Variants in WIPF1 observed in about 807,000 individuals in gnomAD.
The protein encoded by WIPF1 is WAS/WASL interacting protein family member 1.
WIPF1 carries 13 observed loss-of-function variants against 35.4 expected under a neutral mutation model. That is an observed-to-expected ratio of 0.37 (90% CI 0.24 to 0.58). WIPF1 has a LOEUF of 0.58. Ranked by LOEUF, WIPF1 falls within the 20% of genes least tolerant of loss-of-function variation. WIPF1 has a pLI of 0.74. For synonymous variants in WIPF1, 267 were observed against 266.3 expected (o/e 1.00, Z -0.02); for missense variants, 591 against 667.0 (o/e 0.89, Z 1.25).
At chr2:174,650,289 C>T (rs960066415) in intron 1 of WIPF1, among the ~76,000 whole-genome samples, 8 of 152,290 alleles carry the variant, frequency 5.3e-5, no homozygotes, top group Admixed American at 1.3e-4. Context: ...CCTGAATGAA[C>T]GAAAGATGAC....
intron 1 of WIPF1, among the ~76,000 whole-genome samples, chr2:174,657,910 CA>C (rs56717056): frequency 0.031 from 3,000 of 95,794 alleles, 44 homozygotes; most frequent in African/African-American, 0.11. Flanking sequence ...AACTCTGTCT[CA>C]AAAAAAAAAA....
Position 174,561,672 on chromosome 2 carries a change from A to G in WIPF1, c.*875T>C, listed in dbSNP as rs750386195. On this transcript the variant is annotated 3_prime_UTR_variant, in exon 8 of 8. Transcript: ENST00000679041. ...AAACAAGGTGCTGGGTCCTAATTTT[A>G]TTTTTAGTTGCCTCTTGAATCGCTC... is the stretch of plus-strand genomic sequence containing the variant. 21 of 164,620 alleles carry G rather than the reference A, an allele frequency of 1.3e-4. No homozygotes were observed. The highest frequency in any genetic ancestry group is 2.3e-4 in the Non-Finnish European group (17 of 74,758). 10.2% of individuals were successfully genotyped at this position (164,620 alleles called of 1,614,324 possible).
At chr2:174,660,102 G>C (rs1172047883) in intron 1 of WIPF1, among the ~76,000 whole-genome samples, 1 of 152,228 alleles carries the variant, frequency 6.6e-6, no homozygotes, top group Admixed American at 6.5e-5. Context: ...AACCAGGAGA[G>C]ATGTGATAAC....
chr2:174,602,777 G>A (rs773493846), upstream of WIPF1, among the ~76,000 whole-genome samples: 1 of 152,172 alleles, frequency 6.6e-6, no homozygotes, highest in Non-Finnish European at 1.5e-5. Context: ...ATAAATTGAT[G>A]TAATCTTACT....
upstream of WIPF1, among the ~76,000 whole-genome samples, chr2:174,601,263 CT>C (rs1686000575): frequency 6.6e-6 from 1 of 152,142 alleles, no homozygotes; most frequent in South Asian, 2.1e-4. Flanking sequence ...ACTGTTCCCC[CT>C]GAAATGGTAA....
At chr2:174,610,200 C>T (rs2105897578) in intron 1 of WIPF1, among the ~76,000 whole-genome samples, 1 of 152,292 alleles carries the variant, frequency 6.6e-6, no homozygotes. Flanking sequence ...ATATGTTGTT[C>T]CTTTAACTCC....
At chr2:174,679,539 C>A (rs929125056) in intron 1 of WIPF1, among the ~76,000 whole-genome samples, 2 of 152,002 alleles carry the variant, frequency 1.3e-5, no homozygotes, top group African/African-American at 2.4e-5. Flanking sequence ...ATGCTTTACC[C>A]ATTAGGAAAC....
intron 3 of WIPF1, among the ~76,000 whole-genome samples, chr2:174,580,035 C>A (rs114629663): frequency 0.02 from 3,039 of 152,130 alleles, 58 homozygotes; most frequent in Middle Eastern, 0.058. Context: ...ACCGTAACTT[C>A]CACCTCCTTG....
intron 4 of WIPF1, among the ~76,000 whole-genome samples, chr2:174,574,051 A>G (rs1257873172): frequency 6.6e-6 from 1 of 151,026 alleles, no homozygotes. Context: ...CACCATGCCC[A>G]CTAACTTTTT....
intron 1 of WIPF1, among the ~76,000 whole-genome samples, chr2:174,648,034 A>G (rs1419941674): frequency 6.6e-6 from 1 of 152,226 alleles, no homozygotes; most frequent in Admixed American, 6.5e-5. Flanking sequence ...GCAACATCAA[A>G]TCCAACCGTG....
intron 1 of WIPF1, among the ~76,000 whole-genome samples, chr2:174,618,274 G>T (rs928814283): frequency 6.6e-6 from 1 of 152,202 alleles, no homozygotes; most frequent in African/African-American, 2.4e-5. Flanking sequence ...GTCCTGAAAA[G>T]CTCGGCACAG....
chr2:174,671,745 T>C (rs1387180002), intron 1 of WIPF1, among the ~76,000 whole-genome samples: 3 of 152,146 alleles, frequency 2.0e-5, no homozygotes, highest in African/African-American at 4.8e-5. Flanking sequence ...CCCAGGCCTA[T>C]TAGGACGAGG....
At chr2:174,641,615 T>A (rs940223080) in intron 1 of WIPF1, among the ~76,000 whole-genome samples, 2 of 152,208 alleles carry the variant, frequency 1.3e-5, no homozygotes, top group Non-Finnish European at 2.9e-5. Context: ...ACAGACAAAA[T>A]GCCCAACCTT....
chr2:174,637,473 C>T (rs1331847891), intron 1 of WIPF1, among the ~76,000 whole-genome samples: 1 of 152,188 alleles, frequency 6.6e-6, no homozygotes, highest in Non-Finnish European at 1.5e-5. Context: ...TAAAATTAGT[C>T]CTACCTACCT....
intron 1 of WIPF1, chr2:174,629,714 C>T (rs1370492540): frequency 6.6e-6 from 1 of 152,274 alleles, no homozygotes; most frequent in East Asian, 1.9e-4. Flanking sequence ...CAGCAGTTCT[C>T]TTCCTTTAGC....
At chr2:174,616,477 T>C (rs575587964) in intron 1 of WIPF1, among the ~76,000 whole-genome samples, 2 of 152,018 alleles carry the variant, frequency 1.3e-5, no homozygotes, top group Admixed American at 6.6e-5. Flanking sequence ...TCACATGGTT[T>C]CTCCCCTGCT....
chr2:174,675,241 G>C (rs1373834495), intron 1 of WIPF1, among the ~76,000 whole-genome samples: 30 of 152,124 alleles, frequency 2.0e-4, no homozygotes, highest in Non-Finnish European at 4.4e-5. Context: ...GTATTTAAGG[G>C]AGATAGGAGA....
chr2:174,635,913 C>A (rs1327843378), intron 1 of WIPF1, among the ~76,000 whole-genome samples: 1 of 152,134 alleles, frequency 6.6e-6, no homozygotes, highest in African/African-American at 2.4e-5. Context: ...ACCCTGAAGT[C>A]TCACCACATG....
chr2:174,654,915 A>C (rs1034912982), intron 1 of WIPF1, among the ~76,000 whole-genome samples: 1 of 152,232 alleles, frequency 6.6e-6, no homozygotes, highest in South Asian at 2.1e-4. Context: ...TGTGAGAGGC[A>C]AGGAAGCTAA....
Sources: allele counts gnomAD v4.1 joint callset (sites outside exome capture counted in the v4.1 genomes callset), GRCh38; gene constraint gnomAD v4.1.1; transcripts MANE v1.5; gene names NCBI Gene and HGNC (gene_info 2026-07-23, HGNC 2026-07-21).